Variants in EFR3B observed in about 807,000 individuals in gnomAD.
The protein encoded by EFR3B is protein EFR3 homolog B.
In EFR3B, 64 loss-of-function variants were observed where a neutral mutation model predicts 104.7. The ratio of observed to expected loss-of-function variants is 0.61; its 90% CI spans 0.50 to 0.75. The LOEUF (loss-of-function observed/expected upper bound fraction) is 0.75, where lower values mean the gene tolerates loss of function less well. EFR3B is among the 30% of genes least tolerant of loss of function. The pLI is 0.00. For synonymous variants in EFR3B, 385 were observed against 417.9 expected (o/e 0.92, Z 0.96); for missense variants, 750 against 1,078.5 (o/e 0.70, Z 4.27).
chr2:25,139,280 T>G, intron 16 of EFR3B, 90 bp downstream of exon 16: 1 of 1,412,466 alleles, frequency 7.1e-7, no homozygotes. Context: ...GTCCTGTACC[T>G]ACACTTAGGC....
At chr2:25,058,765 C>T (rs1346541447) in intron 1 of EFR3B, among the ~76,000 whole-genome samples, 1 of 117,410 alleles carries the variant, frequency 8.5e-6, no homozygotes, top group South Asian at 3.1e-4. Flanking sequence ...TCTCCCCGCG[C>T]CCCCCCCCCC....
Position 25,054,034 on chromosome 2 carries a change from C to T in EFR3B, c.7+11715C>T, listed in dbSNP as rs1180031011. ...GCTGTGTGGTGCAGGCCCAGTCCTG[C>T]GCAGATCCCTTATCCCTAGACAGCA... On this transcript the variant is annotated intron_variant, in intron 1 of 22. Coordinates refer to ENST00000403714, the MANE Select transcript of EFR3B (RefSeq NM_014971.2). Among the ~76,000 whole-genome samples the T allele has an allele frequency of 2.0e-5, 3 of 152,316 alleles. No individual in the cohort carries two copies. The East Asian group carries it at 5.8e-4, about 29-fold the overall frequency.
chr2:25,097,981 C>G (rs925523957), intron 3 of EFR3B, among the ~76,000 whole-genome samples: 1 of 152,166 alleles, frequency 6.6e-6, no homozygotes, highest in Non-Finnish European at 1.5e-5. Context: ...TTGAGCTTCT[C>G]TAATCTGAGG....
chr2:25,069,639 C>T (rs1219991487), intron 1 of EFR3B, among the ~76,000 whole-genome samples: 2 of 152,178 alleles, frequency 1.3e-5, no homozygotes, highest in African/African-American at 2.4e-5. Flanking sequence ...GTGTTTATAC[C>T]ACTTTTAATT....
At chr2:25,067,183 G>T (rs552978428) in intron 1 of EFR3B, among the ~76,000 whole-genome samples, 1 of 152,174 alleles carries the variant, frequency 6.6e-6, no homozygotes, top group South Asian at 2.1e-4. Context: ...AGTGACTAGT[G>T]GCTACCATAT....
rs1669485632 is a variant in EFR3B, at chr2:25,103,748, G to A, written c.324G>A (p.Glu108=). ...TCAAGATGGTGGCCAAGCTGCTGGA[G>A]TCAGAGAAACCCAACCTGCAGATCC... is the stretch of plus-strand genomic sequence containing the variant. ...SFLKMVAKLL[E]SEKPNLQILG... Residue 108 remains glutamate (E), a synonymous_variant, in exon 4 of 23, where the codon GAG becomes GAA. Coordinates refer to ENST00000403714, the MANE Select transcript of EFR3B (RefSeq NM_014971.2). 3.2e-6 allele frequency: 5 copies of A among 1,551,728 alleles called. No homozygotes were observed. Among genetic ancestry groups the A allele is most frequent in the Non-Finnish European group, 4.4e-6 (5 of 1,146,972 alleles).
chr2:25,145,331 G>A (rs1421743329), intron 19 of EFR3B: 1 of 520,028 alleles, frequency 1.9e-6, no homozygotes, highest in Non-Finnish European at 3.4e-6. Flanking sequence ...CAACATTTTG[G>A]AGGCTGAGGC....
intron 18 of EFR3B, among the ~76,000 whole-genome samples, 177 bp downstream of exon 18, chr2:25,144,039 C>T (rs1383802763): frequency 3.9e-5 from 6 of 152,172 alleles, no homozygotes; most frequent in Admixed American, 3.9e-4. Context: ...CCCACCTCTC[C>T]TCCTCAGGAC....
chr2:25,121,809 G>T lies in EFR3B; in HGVS notation c.485+15G>T. 1.3e-6 allele frequency: 2 copies of T among 1,551,806 alleles called. No homozygotes were observed. The highest frequency in any genetic ancestry group is 3.9e-5 in the Admixed American group (2 of 51,004). On this transcript the variant is annotated intron_variant, in intron 5 of 22. Coordinates refer to ENST00000403714, the MANE Select transcript of EFR3B (RefSeq NM_014971.2). ...ATCAAGACCAAGTGAGTAGGGGAAG[G>T]CAAGGGTAGTTGGTTCAGCTTACAG...
chr2:25,121,664 C>T lies in EFR3B; in HGVS notation c.364-9C>T, dbSNP rs1374900027. On this transcript the variant is annotated splice_polypyrimidine_tract_variant and intron_variant, in intron 4 of 22. Coordinates refer to ENST00000403714, the MANE Select transcript of EFR3B (RefSeq NM_014971.2). ...TCTCTCGTGTGTTTCTCTCCTTCCTCCCTGATAGTTTGTGAAGTTTGCCAA... is the reference window on the plus strand; with the variant it reads ...TCTCTCGTGTGTTTCTCTCCTTCCTTCCTGATAGTTTGTGAAGTTTGCCAA... The T allele has an allele frequency of 6.4e-7, 1 of 1,551,606 alleles. No individual in the cohort carries two copies.
At chr2:25,113,038 C>A (rs996040076) in intron 4 of EFR3B, among the ~76,000 whole-genome samples, 7 of 152,070 alleles carry the variant, frequency 4.6e-5, no homozygotes, top group Non-Finnish European at 7.4e-5. Context: ...ATTTTGCCTC[C>A]TAGCTGCCTA....
Position 25,133,396 on chromosome 2 carries a change from C to CGTCTGACCCAGA in EFR3B, c.1274_1285dup (p.Gln428_Ile429insSerLeuThrGln). ...TCTGGTCTACAGGGAGAATAGGAAC[C>CGTCTGACCCAGA]GTCTGACCCAGATTATGCTGCTAAA... On this transcript the variant is annotated inframe_insertion, in exon 12 of 23. Coordinates refer to ENST00000403714, the MANE Select transcript of EFR3B (RefSeq NM_014971.2). The CGTCTGACCCAGA allele has an allele frequency of 6.4e-7, 1 of 1,552,320 alleles. No individual in the cohort carries two copies. The highest frequency in any genetic ancestry group is 1.4e-5 in the African/African-American group (1 of 73,114).
At chr2:25,104,684 C>T (rs1669516628) in intron 4 of EFR3B, among the ~76,000 whole-genome samples, 1 of 152,190 alleles carries the variant, frequency 6.6e-6, no homozygotes, top group Non-Finnish European at 1.5e-5. Flanking sequence ...ACAAAGGTAC[C>T]AGATCAGTGG....
At position 25,132,997 on chromosome 2, in the gene EFR3B, G is replaced by A. The variant is rs761119262; in HGVS notation, c.1242G>A (p.Val414=). ...KVPRPSLHQA[V]DTGRTGENRN... ...CGCGGCCATCCCTGCACCAGGCGGT[G>A]GACACAGGCAGGACGGGGTGAGCCA... The change falls in exon 11 of 23, where the codon GTG becomes GTA. Residue 414 remains valine, a synonymous_variant. Coordinates refer to ENST00000403714, the MANE Select transcript of EFR3B (RefSeq NM_014971.2). 30 of 1,551,574 alleles carry A rather than the reference G, an allele frequency of 1.9e-5. No individual in the cohort carries two copies. Among genetic ancestry groups the A allele is most frequent in the South Asian group, 7.1e-5 (6 of 84,052 alleles).
rs543077575 is a variant in EFR3B, at chr2:25,111,623, G to T, written c.363+7836G>T. ...CAGATGTGATCAAGTTAAGAATCTC[G>T]AGCTGGGGGAGATTATCCTGGATAA... is the stretch of plus-strand genomic sequence containing the variant. On this transcript the variant is annotated intron_variant, in intron 4 of 22. Coordinates refer to ENST00000403714, the MANE Select transcript of EFR3B (RefSeq NM_014971.2). Among the ~76,000 whole-genome samples the T allele has an allele frequency of 9.8e-5, 15 of 152,316 alleles. No individual in the cohort carries two copies. In the South Asian group the frequency reaches 3.1e-3, roughly 32 times the overall value.
intron 4 of EFR3B, among the ~76,000 whole-genome samples, chr2:25,108,062 G>C (rs1172716017): frequency 6.6e-6 from 1 of 152,074 alleles, no homozygotes; most frequent in Non-Finnish European, 1.5e-5. Context: ...TCAAACTCTT[G>C]ACCTCAAGTG....
intron 4 of EFR3B, among the ~76,000 whole-genome samples, chr2:25,107,587 G>A (rs1431496040): frequency 6.6e-6 from 1 of 152,086 alleles, no homozygotes; most frequent in Non-Finnish European, 1.5e-5. Context: ...TCTTAAGCCT[G>A]TGTAGGATTC....
chr2:25,048,046 C>A (rs1667769112), intron 1 of EFR3B, among the ~76,000 whole-genome samples: 1 of 152,144 alleles, frequency 6.6e-6, no homozygotes, highest in Non-Finnish European at 1.5e-5. Flanking sequence ...GAGACAGGAT[C>A]TCACTCTCCC....
At chr2:25,078,614 G>C (rs927546419) in intron 1 of EFR3B, among the ~76,000 whole-genome samples, 14 of 152,140 alleles carry the variant, frequency 9.2e-5, no homozygotes, top group African/African-American at 3.4e-4. Flanking sequence ...TCAGGATACT[G>C]TATTGAGGTC....
Sources: allele counts gnomAD v4.1 joint callset (sites outside exome capture counted in the v4.1 genomes callset), GRCh38; gene constraint gnomAD v4.1.1; transcripts MANE v1.5; gene names NCBI Gene and HGNC (gene_info 2026-07-23, HGNC 2026-07-21).